Variants in SAP30 observed in about 807,000 individuals in gnomAD.
The protein encoded by SAP30 is Sin3A associated protein 30, also known as histone deacetylase complex subunit SAP30.
Under a neutral mutation model 19.6 loss-of-function variants are expected in SAP30, and 13 were observed. The observed-to-expected ratio is 0.66, with a 90% CI of 0.43 to 1.05. The LOEUF (loss-of-function observed/expected upper bound fraction) is 1.05, where lower values mean the gene tolerates loss of function less well. SAP30 is among the 50% of genes least tolerant of loss of function. The pLI is 0.00. For synonymous variants in SAP30, 108 were observed against 122.7 expected (o/e 0.88, Z 0.79); for missense variants, 257 against 292.1 (o/e 0.88, Z 0.88).
At position 173,371,703 on chromosome 4, in the gene SAP30, T is replaced by C. The variant is rs1173070970; in HGVS notation, c.315+206T>C. On this transcript the variant is annotated intron_variant, in intron 1 of 3. Transcript: ENST00000296504. This position sits in a 1 kb window ranked among gnomAD's most constrained non-coding sequence, Gnocchi z 6.4. ...ACACACACCACACACAGGCTGTCGT[T>C]CCCCTCTTCTTTCCCACCCTGGCCC... Among the ~76,000 whole-genome samples the C allele has an allele frequency of 6.6e-6, 1 of 151,996 alleles. No individual in the cohort carries two copies. Among genetic ancestry groups the C allele is most frequent in the Non-Finnish European group, 1.5e-5 (1 of 67,980 alleles).
intron 3 of SAP30, among the ~76,000 whole-genome samples, chr4:173,375,737 A>T (rs1739023567): frequency 6.6e-6 from 1 of 152,204 alleles, no homozygotes; most frequent in African/African-American, 2.4e-5. Flanking sequence ...CAGATGTAGT[A>T]CATATATTTT....
In SAP30 at chr4:173,371,321, GCGGGGGCGGTCTCAGCGGCTGGGCCCC is replaced by G; in HGVS notation, c.149_175del (p.Val50_Ala58del). 7.6e-7 allele frequency: 1 copy of G among 1,313,754 alleles called. No individual in the cohort carries two copies. Among genetic ancestry groups the G allele is most frequent in the Non-Finnish European group, 9.6e-7 (1 of 1,039,162 alleles). The allele number at this position is 1,313,754 out of a possible 1,614,324, so 81.4% of individuals were successfully genotyped here. A position where few individuals can be genotyped will look rare whatever the true frequency, so the allele number is the denominator to read the frequency against. On this transcript the variant is annotated inframe_deletion, in exon 1 of 4. Coordinates refer to ENST00000296504, the MANE Select transcript of SAP30 (RefSeq NM_003864.4). This position sits in a 1 kb window ranked among gnomAD's most constrained non-coding sequence, Gnocchi z 6.4. ...GGGCACCGGGGCTGAGGTGCCGGGC[GCGGGGGCGGTCTCAGCGGCTGGGCCCC>G]CGGGGGCGGCCGGGCCGGGCCCCGG...
chr4:173,376,226 C>A (rs772080091), intron 3 of SAP30, among the ~76,000 whole-genome samples: 12 of 152,238 alleles, frequency 7.9e-5, no homozygotes, highest in Non-Finnish European at 1.5e-4. Flanking sequence ...TATTATTCTT[C>A]TATTAGTAAT....
At chr4:173,374,069 C>G (rs779010928) in intron 3 of SAP30, 32 bp downstream of exon 3, 3 of 1,200,566 alleles carry the variant, frequency 2.5e-6, no homozygotes, top group South Asian at 1.3e-5. Context: ...TTTGAACTAT[C>G]TGCACAACCG....
rs1280929476 is a variant in SAP30 at position 173,371,236 on chromosome 4, A to C, written c.54A>C (p.Ala18=). 1 of 1,349,982 alleles carries C rather than the reference A, an allele frequency of 7.4e-7. No homozygotes were observed. The highest frequency in any genetic ancestry group is 1.6e-5 in the African/African-American group (1 of 64,112). The allele number at this position is 1,349,982 out of a possible 1,614,324, so 83.6% of individuals were successfully genotyped here. ...GCCGCGGCGGGGATGCGGCCGCCGCAGTGGCCGCAGTGGTCGCTGCCGCGG... is the reference window on the plus strand; with the variant it reads ...GCCGCGGCGGGGATGCGGCCGCCGCCGTGGCCGCAGTGGTCGCTGCCGCGG... ...EMSRGGDAAA[A]VAAVVAAAAA... is the part of the protein sequence containing the mutation. The change falls in exon 1 of 4, where the codon GCA becomes GCC. Residue 18 remains alanine (A), a synonymous_variant. Transcript: ENST00000296504. This position sits in a 1 kb window ranked among gnomAD's most constrained non-coding sequence, Gnocchi z 6.4.
Position 173,371,758 on chromosome 4 carries a change from C to T in SAP30, c.315+261C>T, listed in dbSNP as rs1416129809. On this transcript the variant is annotated intron_variant, in intron 1 of 3. Coordinates refer to ENST00000296504, the MANE Select transcript of SAP30 (RefSeq NM_003864.4). This position sits in a 1 kb window ranked among gnomAD's most constrained non-coding sequence, Gnocchi z 6.4. ...CCTCCCGCTGCCTGCGTCTCTCCCGCGCAGTCTTCCCTCTTCCTTCTCCTC... is the reference window on the plus strand; with the variant it reads ...CCTCCCGCTGCCTGCGTCTCTCCCGTGCAGTCTTCCCTCTTCCTTCTCCTC... 6.6e-6 allele frequency among the ~76,000 whole-genome samples: 1 copy of T among 152,178 alleles called. No homozygotes were observed. The highest frequency in any genetic ancestry group is 1.5e-5 in the Non-Finnish European group (1 of 68,018).
At chr4:173,376,531 C>T (rs913937779) in intron 3 of SAP30, among the ~76,000 whole-genome samples, 3 of 152,164 alleles carry the variant, frequency 2.0e-5, no homozygotes, top group African/African-American at 7.2e-5. Context: ...TGATCTCTTA[C>T]GTCTGTTTTA....
Position 173,371,201 on chromosome 4 carries a change from G to T in SAP30, c.19G>T (p.Asp7Tyr). The change falls in exon 1 of 4, where the codon GAC (aspartate) becomes TAC (tyrosine). Residue 7 changes from aspartate (D) to tyrosine (Y), a missense_variant. Transcript: ENST00000296504. This position sits in a 1 kb window ranked among gnomAD's most constrained non-coding sequence, Gnocchi z 6.4. MNGFTP[D>Y]EMSRGGDAAA... ...CGGAGACATGAACGGCTTCACGCCT[G>T]ACGAGATGAGCCGCGGCGGGGATGC... 2 of 1,488,384 alleles carry T rather than the reference G, an allele frequency of 1.3e-6. No individual in the cohort carries two copies. Among genetic ancestry groups the T allele is most frequent in the South Asian group, 2.5e-5 (2 of 81,590 alleles). 92.2% of individuals were successfully genotyped at this position (1,488,384 alleles called of 1,614,324 possible). A position where few individuals can be genotyped will look rare whatever the true frequency, so the allele number is the denominator to read the frequency against.
intron 2 of SAP30, 38 bp downstream of exon 2, chr4:173,373,553 G>A (rs1738987305): frequency 6.5e-7 from 1 of 1,542,580 alleles, no homozygotes; most frequent in Non-Finnish European, 8.7e-7. Context: ...TAAATCCTAA[G>A]TAGTGCATTC....
intron 3 of SAP30, among the ~76,000 whole-genome samples, chr4:173,374,979 A>G (rs893076924): frequency 1.3e-5 from 2 of 151,238 alleles, no homozygotes; most frequent in Admixed American, 6.6e-5. Context: ...TTTTCAGGAT[A>G]TAATAGAACC....
chr4:173,371,529 C>T lies in SAP30; in HGVS notation c.315+32C>T, dbSNP rs768801883. On this transcript the variant is annotated intron_variant, in intron 1 of 3. Coordinates refer to ENST00000296504, the MANE Select transcript of SAP30 (RefSeq NM_003864.4). The surrounding 1 kb of genome is among the most constrained non-coding windows in gnomAD (Gnocchi z 6.4). Reference sequence around the variant, plus strand: ...AAACCGCGGGACCGCCCTGCCCTCCCGCCCCTCGGTGGGGCCCCAGGAGCC... The same window carrying T: ...AAACCGCGGGACCGCCCTGCCCTCCTGCCCCTCGGTGGGGCCCCAGGAGCC... 3 of 1,566,656 alleles carry T rather than the reference C, an allele frequency of 1.9e-6. No homozygotes were observed. The highest frequency in any genetic ancestry group is 1.1e-5 in the South Asian group (1 of 90,286).
At chr4:173,376,145 G>A (rs961992917) in intron 3 of SAP30, among the ~76,000 whole-genome samples, 1 of 152,112 alleles carries the variant, frequency 6.6e-6, no homozygotes, top group African/African-American at 2.4e-5. Flanking sequence ...ATTATTGTGT[G>A]GATGAACTTT....
In SAP30 at chr4:173,371,318, G is replaced by A. The variant is rs551985310; in HGVS notation, c.136G>A (p.Gly46Ser). The change falls in exon 1 of 4, where the codon GGC (glycine) becomes AGC (serine). Residue 46 changes from glycine to serine, a missense_variant. By Grantham distance (56) the Gly-to-Ser change is moderately conservative. Coordinates refer to ENST00000296504, the MANE Select transcript of SAP30 (RefSeq NM_003864.4). The surrounding 1 kb of genome is among the most constrained non-coding windows in gnomAD (Gnocchi z 6.4). Reference protein sequence around the residue: ...TGAGTGAEVPGAGAVSAAGPP... With the variant: ...TGAGTGAEVPSAGAVSAAGPP... Reference sequence around the variant, plus strand: ...CGCGGGCACCGGGGCTGAGGTGCCGGGCGCGGGGGCGGTCTCAGCGGCTGG... The same window carrying A: ...CGCGGGCACCGGGGCTGAGGTGCCGAGCGCGGGGGCGGTCTCAGCGGCTGG... The A allele has an allele frequency of 4.4e-4, 576 of 1,307,016 alleles. 3 individuals carry two copies. In the African/African-American group the frequency reaches 8.6e-3, roughly 19 times the overall value. The allele number at this position is 1,307,016 out of a possible 1,614,324, so 81.0% of individuals were successfully genotyped here. A position where few individuals can be genotyped will look rare whatever the true frequency, so the allele number is the denominator to read the frequency against.
chr4:173,376,875 G>C (rs1340843262), intron 3 of SAP30, among the ~76,000 whole-genome samples: 1 of 152,000 alleles, frequency 6.6e-6, no homozygotes. Flanking sequence ...ACCCACCTCT[G>C]CCTCCCAAAG....
chr4:173,372,425 A>G (rs1738958089), intron 1 of SAP30, among the ~76,000 whole-genome samples: 1 of 152,210 alleles, frequency 6.6e-6, no homozygotes, highest in Non-Finnish European at 1.5e-5. Context: ...GCCCGTTTAA[A>G]CAGTTTTCAG....
At position 173,377,367 on chromosome 4, in the gene SAP30, T is replaced by C. The variant is rs1739063888; in HGVS notation, c.*40T>C. On this transcript the variant is annotated 3_prime_UTR_variant, in exon 4 of 4. Transcript: ENST00000296504. ...AGACTAATAACTTGGATGTTAACAC[T>C]GTTTACTGTTTTTTCACATGTAGAA... is the stretch of plus-strand genomic sequence containing the variant. The C allele has an allele frequency of 2.6e-6, 4 of 1,555,936 alleles. No individual in the cohort carries two copies. The highest frequency in any genetic ancestry group is 3.5e-6 in the Non-Finnish European group (4 of 1,155,340).
Position 173,371,292 on chromosome 4 carries a change from G to A in SAP30, c.110G>A (p.Gly37Asp), listed in dbSNP as rs1390594099. 92 of 1,240,616 alleles carry A rather than the reference G, an allele frequency of 7.4e-5. No homozygotes were observed. Among genetic ancestry groups the A allele is most frequent in the Non-Finnish European group, 8.8e-5 (88 of 997,602 alleles). 76.9% of individuals were successfully genotyped at this position (1,240,616 alleles called of 1,614,324 possible). The change falls in exon 1 of 4, where the codon GGC becomes GAC. Residue 37 changes from glycine (G) to aspartate (D), a missense_variant. Physicochemically the swap from Gly to Asp is moderately conservative, Grantham distance 94. Coordinates refer to ENST00000296504, the MANE Select transcript of SAP30 (RefSeq NM_003864.4). This position sits in a 1 kb window ranked among gnomAD's most constrained non-coding sequence, Gnocchi z 6.4. ...GCCGCCTCGGCGGGGAACGGGACCG[G>A]CGCGGGCACCGGGGCTGAGGTGCCG... Reference protein sequence around the residue: ...AAAASAGNGTGAGTGAEVPGA... With the variant: ...AAAASAGNGTDAGTGAEVPGA...
Position 173,371,379 on chromosome 4 carries a change from T to A in SAP30, c.197T>A (p.Leu66Gln). Residue 66 changes from leucine to glutamine, a missense_variant, in exon 1 of 4, where the codon CTG becomes CAG. Physicochemically the swap from Leu to Gln is moderately radical, Grantham distance 113 (BLOSUM62 -2). Coordinates refer to ENST00000296504, the MANE Select transcript of SAP30 (RefSeq NM_003864.4). This position sits in a 1 kb window ranked among gnomAD's most constrained non-coding sequence, Gnocchi z 6.4. ...GCGGCCGGGCCGGGCCCCGGGCAAC[T>A]GTGCTGCCTGCGGGAGGATGGTGAG... ...PGAAGPGPGQ[L>Q]CCLREDGERC... 1.9e-6 allele frequency: 3 copies of A among 1,558,152 alleles called. No individual in the cohort carries two copies. Among genetic ancestry groups the A allele is most frequent in the Non-Finnish European group, 2.6e-6 (3 of 1,160,882 alleles).
At position 173,373,393 on chromosome 4, in the gene SAP30, A is replaced by C; in HGVS notation, c.319A>C (p.Arg107=). ...KVKIELDKSA[R]HLYICDYHKN... ...GTGTAAAACTTTTCTGTTTCAGGCA[A>C]GGCATCTTTACATATGTGATTATCA... Residue 107 remains arginine, a synonymous_variant, in exon 2 of 4, where the codon AGG becomes CGG. Transcript: ENST00000296504. 6.3e-7 allele frequency: 1 copy of C among 1,599,466 alleles called. No homozygotes were observed. The highest frequency in any genetic ancestry group is 1.1e-5 in the South Asian group (1 of 88,912).
Sources: allele counts gnomAD v4.1 joint callset (sites outside exome capture counted in the v4.1 genomes callset), GRCh38; gene constraint gnomAD v4.1.1; non-coding constraint Gnocchi (gnomAD v3.1); transcripts MANE v1.5; gene names NCBI Gene and HGNC (gene_info 2026-07-23, HGNC 2026-07-21).